Variants in ERP27 observed in about 807,000 individuals in gnomAD.
ERP27 encodes the protein endoplasmic reticulum resident protein 27.
In ERP27, 23 loss-of-function variants were observed where a neutral mutation model predicts 27.7. The ratio of observed to expected loss-of-function variants is 0.83; its 90% CI spans 0.60 to 1.18. ERP27 has a LOEUF of 1.18. Among genes scored for constraint, ERP27 ranks in the 50% most tolerant of loss-of-function variants. ERP27 has a pLI of 0.00. For missense variants in ERP27, 363 were observed against 327.9 expected (o/e 1.11, Z -0.83); for synonymous variants, 159 against 118.3 (o/e 1.34, Z -2.23).
At chr12:14,922,018 A>G (rs771299199) in intron 3 of ERP27, among the ~76,000 whole-genome samples, 2 of 152,182 alleles carry the variant, frequency 1.3e-5, no homozygotes, top group Non-Finnish European at 2.9e-5. Flanking sequence ...TATAATATTC[A>G]ATTGTCTGAA....
rs1175757276 is a variant in ERP27, at chr12:14,914,784, T to C, written c.775-2A>G. 3 of 1,612,566 alleles carry C rather than the reference T, an allele frequency of 1.9e-6. No individual in the cohort carries two copies. The African/African-American group carries it at 4.0e-5, about 22-fold the overall frequency. On this transcript the variant is annotated splice_acceptor_variant, in intron 6 of 6. Transcript: ENST00000266397. LOFTEE classifies it high-confidence loss of function. ...TCCTTCTGATTCACGATTTTCTTTC[T>C]GGAAAACATTATAACAATGATATTT... is the stretch of plus-strand genomic sequence containing the variant.
At chr12:14,928,027 C>T (rs527788624) in intron 3 of ERP27, among the ~76,000 whole-genome samples, 20 of 152,316 alleles carry the variant, frequency 1.3e-4, no homozygotes, top group African/African-American at 4.3e-4. Flanking sequence ...GATAGATCCA[C>T]GCCTATAGAT....
At chr12:14,922,019 A>G (rs1198005731) in intron 3 of ERP27, among the ~76,000 whole-genome samples, 2 of 152,142 alleles carry the variant, frequency 1.3e-5, no homozygotes, top group African/African-American at 2.4e-5. Context: ...ATAATATTCA[A>G]TTGTCTGAAT....
rs1159319218 is a variant in ERP27 at position 14,914,741 on chromosome 12, T to C, written c.816A>G (p.Glu272=). 6.2e-7 allele frequency: 1 copy of C among 1,613,530 alleles called. No homozygotes were observed. Among genetic ancestry groups the C allele is most frequent in the Non-Finnish European group, 8.5e-7 (1 of 1,179,746 alleles). Residue 272 remains glutamate (E), a synonymous_variant, in exon 7 of 7, where the codon GAA becomes GAG. Transcript: ENST00000266397. ...RESEGKTPKV[E]L is the part of the protein sequence containing the mutation. The stretch of plus-strand genomic sequence containing the variant: ...ATGTAGTTCCAAGGAGAAGTCAGAG[T>C]TCCACCTTTGGAGTCTTTCCTTCTG...
intron 5 of ERP27, among the ~76,000 whole-genome samples, chr12:14,916,371 A>G (rs916824967): frequency 1.3e-5 from 2 of 152,188 alleles, no homozygotes; most frequent in Admixed American, 6.5e-5. Flanking sequence ...GAGTTTGGGC[A>G]CATTACTCAG....
intron 2 of ERP27, among the ~76,000 whole-genome samples, chr12:14,937,160 C>T (rs1384650797): frequency 6.6e-6 from 1 of 152,144 alleles, no homozygotes; most frequent in Non-Finnish European, 1.5e-5. Flanking sequence ...AAATGTTGTC[C>T]CTGTCTTTCT....
intron 3 of ERP27, among the ~76,000 whole-genome samples, chr12:14,930,143 T>C (rs771819319): frequency 8.6e-5 from 13 of 151,774 alleles, no homozygotes; most frequent in Non-Finnish European, 1.6e-4. Flanking sequence ...TAACAAACCT[T>C]CATGTTATGC....
Position 14,917,264 on chromosome 12 carries a change from G to T in ERP27, c.490C>A (p.Leu164Ile), listed in dbSNP as rs757055864. Residue 164 changes from leucine to isoleucine, a missense_variant, in exon 5 of 7, where the codon CTC becomes ATC. By Grantham distance (5) the Leu-to-Ile change is conservative (BLOSUM62 2). Coordinates refer to ENST00000266397, the MANE Select transcript of ERP27 (RefSeq NM_152321.4). ...GAGGCCTTGTTCATTATCAGGAGGA[G>T]ATGAATCTGAATTACGCTGTTGAAT... ...GLFNSVIQIH[L>I]LLIMNKASPE... The T allele has an allele frequency of 5.0e-6, 8 of 1,614,032 alleles. No homozygotes were observed. The African/African-American group carries it at 6.7e-5, about 13-fold the overall frequency.
intron 3 of ERP27, among the ~76,000 whole-genome samples, chr12:14,929,957 TA>T (rs1365690782): frequency 4.1e-5 from 6 of 146,538 alleles, no homozygotes; most frequent in Non-Finnish European, 7.5e-5. Context: ...ATATATACTT[TA>T]AAAAAAAGTT....
At chr12:14,930,979 G>T (rs1266470445) in intron 3 of ERP27, among the ~76,000 whole-genome samples, 1 of 152,036 alleles carries the variant, frequency 6.6e-6, no homozygotes, top group Non-Finnish European at 1.5e-5. Context: ...TTAGAATGAG[G>T]GACATTAGAT....
chr12:14,930,690 T>G lies in ERP27; in HGVS notation c.333+4166A>C, dbSNP rs886334107. ...ACATTTATATAGTTGGCCTGCACTA[T>G]TTTTGGAGAATATTATGTTGCATAA... On this transcript the variant is annotated intron_variant, in intron 3 of 6. Transcript: ENST00000266397. 2.6e-5 allele frequency among the ~76,000 whole-genome samples: 4 copies of G among 152,354 alleles called. No homozygotes were observed. The South Asian group carries it at 8.3e-4, about 32-fold the overall frequency.
intron 3 of ERP27, among the ~76,000 whole-genome samples, chr12:14,927,385 T>C (rs1394191818): frequency 6.6e-6 from 1 of 151,924 alleles, no homozygotes; most frequent in Non-Finnish European, 1.5e-5. Flanking sequence ...TCTAATTCAA[T>C]TTCAGGGGCT....
intron 3 of ERP27, among the ~76,000 whole-genome samples, chr12:14,927,744 G>GCGCA (rs1863627432): frequency 6.7e-6 from 1 of 148,218 alleles, no homozygotes; most frequent in African/African-American, 2.5e-5. Context: ...ATGCCTTCAG[G>GCGCA]CACACACACA....
At chr12:14,918,262 A>G (rs1863444946) in intron 4 of ERP27, among the ~76,000 whole-genome samples, 1 of 152,214 alleles carries the variant, frequency 6.6e-6, no homozygotes, top group Non-Finnish European at 1.5e-5. Flanking sequence ...ATCAGGATGG[A>G]CTGCCTCATG....
chr12:14,926,740 A>T (rs1318032144), intron 3 of ERP27, among the ~76,000 whole-genome samples: 1 of 152,192 alleles, frequency 6.6e-6, no homozygotes, highest in Non-Finnish European at 1.5e-5. Context: ...TTTTAAATTC[A>T]ATTTTCTGGC....
In ERP27 at chr12:14,937,962, C is replaced by A. The variant is rs1485058933; in HGVS notation, c.185G>T (p.Gly62Val). The A allele has an allele frequency of 6.2e-7, 1 of 1,613,896 alleles. No homozygotes were observed. The highest frequency in any genetic ancestry group is 8.5e-7 in the Non-Finnish European group (1 of 1,179,858). ...FIAATEVAVIGFFQDLEIPAV... is the reference protein window; with the variant it reads ...FIAATEVAVIVFFQDLEIPAV... ...AAGTAGGGAACTAACCTGGAAGAAG[C>A]CTATGACAGCCACCTCAGTGGCAGC... is the stretch of plus-strand genomic sequence containing the variant. Residue 62 changes from glycine (G) to valine (V), a missense_variant, in exon 2 of 7, where the codon GGC becomes GTC. By Grantham distance (109) the Gly-to-Val change is moderately radical. Transcript: ENST00000266397.
intron 3 of ERP27, among the ~76,000 whole-genome samples, chr12:14,926,486 A>G (rs2430704): frequency 0.69 from 104,680 of 152,146 alleles, 36,568 homozygotes; most frequent in East Asian, 0.91. Flanking sequence ...GGTTCTATGT[A>G]TTCCAAATGC....
chr12:14,928,813 A>G, intron 3 of ERP27: 1 of 839,038 alleles, frequency 1.2e-6, no homozygotes, highest in Non-Finnish European at 1.9e-6. Context: ...TCTTAGGTAG[A>G]TCCTTGCCCA....
chr12:14,938,384 C>G, intron 1 of ERP27, 31 bp downstream of exon 1: 2 of 1,607,180 alleles, frequency 1.2e-6, no homozygotes, highest in Non-Finnish European at 8.5e-7. Flanking sequence ...CACTTTCACA[C>G]TATAGCCACC....
Sources: allele counts gnomAD v4.1 joint callset (sites outside exome capture counted in the v4.1 genomes callset), GRCh38; gene constraint gnomAD v4.1.1; transcripts MANE v1.5; gene names NCBI Gene and HGNC (gene_info 2026-07-23, HGNC 2026-07-21).